LRRC4C: variants seen among roughly 807,000 people sequenced by gnomAD.
LRRC4C encodes leucine-rich repeat-containing protein 4C.
Under a neutral mutation model 33.6 loss-of-function variants are expected in LRRC4C, and 5 were observed. The ratio of observed to expected loss-of-function variants is 0.15; its 90% CI spans 0.08 to 0.31. LRRC4C has a LOEUF of 0.31. Ranked by LOEUF, LRRC4C falls within the 10% of genes least tolerant of loss-of-function variation. The pLI is 1.00. For synonymous variants in LRRC4C, 329 were observed against 302.0 expected, an observed-to-expected ratio of 1.09 and a Z score of -0.93; for missense variants, 560 against 796.7, an observed-to-expected ratio of 0.70 and a Z score of 3.58.
chr11:41,285,215 T>G (rs1949787325), intron 1 of LRRC4C, among the ~76,000 whole-genome samples: 1 of 152,162 alleles, frequency 6.6e-6, no homozygotes, highest in African/African-American at 2.4e-5. Context: ...ATCATTCTAT[T>G]CATCCATCCA....
intron 2 of LRRC4C, among the ~76,000 whole-genome samples, chr11:40,743,836 G>A (rs1345175270): frequency 6.6e-6 from 1 of 151,994 alleles, no homozygotes; most frequent in African/African-American, 2.4e-5. Flanking sequence ...TCACTCCTGT[G>A]CTAGCTTTGC....
intron 3 of LRRC4C, among the ~76,000 whole-genome samples, chr11:40,528,687 C>T (rs1466651611): frequency 1.3e-5 from 2 of 152,124 alleles, no homozygotes. Flanking sequence ...GATATCTGTA[C>T]TCCCAACTTC....
intron 1 of LRRC4C, among the ~76,000 whole-genome samples, chr11:41,181,634 G>A (rs921752301): frequency 6.6e-6 from 1 of 152,146 alleles, no homozygotes; most frequent in Non-Finnish European, 1.5e-5. Flanking sequence ...GAGTATTACA[G>A]CAAATTAGTA....
intron 2 of LRRC4C, among the ~76,000 whole-genome samples, chr11:40,858,692 TAAAAAAAAAAAAAA>T (rs201131448): frequency 1.2e-5 from 1 of 80,162 alleles, no homozygotes; most frequent in Admixed American, 1.2e-4. Flanking sequence ...GACTCCTTCT[TAAAAAAAAAAAAAA>T]AAAAAAAAAA....
chr11:40,979,886 A>G (rs1852384544), intron 1 of LRRC4C, among the ~76,000 whole-genome samples: 1 of 152,216 alleles, frequency 6.6e-6, no homozygotes, highest in African/African-American at 2.4e-5. Flanking sequence ...TCTTATAGAC[A>G]TATTTTATAT....
intron 5 of LRRC4C, among the ~76,000 whole-genome samples, chr11:40,186,539 T>C (rs764342341): frequency 2.0e-5 from 3 of 152,194 alleles, no homozygotes; most frequent in Admixed American, 6.5e-5. Flanking sequence ...GCTGGAGGGC[T>C]TAGAAACTGG....
intron 1 of LRRC4C, among the ~76,000 whole-genome samples, chr11:41,397,023 T>G (rs1953845226): frequency 6.6e-6 from 1 of 152,004 alleles, no homozygotes. Flanking sequence ...AATACGATTT[T>G]TTAAAGAACA....
intron 2 of LRRC4C, among the ~76,000 whole-genome samples, chr11:40,831,853 C>T (rs932805749): frequency 1.3e-5 from 2 of 152,086 alleles, no homozygotes; most frequent in Non-Finnish European, 2.9e-5. Flanking sequence ...TCAGTTACCT[C>T]CCACTGGGTC....
chr11:40,916,701 AATAAATAAAT>A (rs1005509346), intron 2 of LRRC4C, among the ~76,000 whole-genome samples: 6 of 151,600 alleles, frequency 4.0e-5, no homozygotes, highest in Non-Finnish European at 8.8e-5. Flanking sequence ...GTATAATAAA[AATAAATAAAT>A]AAAAATAAAA....
chr11:40,646,014 C>A (rs2136116705), intron 3 of LRRC4C, among the ~76,000 whole-genome samples: 1 of 144,566 alleles, frequency 6.9e-6, no homozygotes, highest in Non-Finnish European at 1.5e-5. Context: ...TAATTACTAC[C>A]TTTATGATTC....
chr11:40,390,734 A>G (rs1949301633), intron 3 of LRRC4C, among the ~76,000 whole-genome samples: 1 of 151,898 alleles, frequency 6.6e-6, no homozygotes, highest in Non-Finnish European at 1.5e-5. Flanking sequence ...GACTCATTTG[A>G]CTCTTTGAGT....
chr11:40,850,705 T>A (rs955821742), intron 2 of LRRC4C, among the ~76,000 whole-genome samples: 1 of 152,320 alleles, frequency 6.6e-6, no homozygotes, highest in Non-Finnish European at 1.5e-5. Context: ...CAGGAAGGTT[T>A]AAGTCTGCTG....
In LRRC4C at chr11:41,448,122, G is replaced by GGTTTTTTTTTTTTTTTTT. The variant is rs1554934483; in HGVS notation, c.-496+11308_-496+11309insAAAAAAAAAAAAAAAAAC. On this transcript the variant is annotated intron_variant, in intron 1 of 6. Coordinates refer to ENST00000528697, the MANE Select transcript of LRRC4C (RefSeq NM_001258419.2). ...ACAAACGAGGCTGCTGCACACGTCTGTTTTTTTTTTTTTTTTTTTTGGAGC... is the reference window on the plus strand; with the variant it reads ...ACAAACGAGGCTGCTGCACACGTCTGGTTTTTTTTTTTTTTTTTTTTTTTTTTTTTTTTTTTTTGGAGC... Among the ~76,000 whole-genome samples the GGTTTTTTTTTTTTTTTTT allele has an allele frequency of 1.2e-3, 55 of 46,938 alleles. 3 individuals are homozygous for GGTTTTTTTTTTTTTTTTT. Among genetic ancestry groups the GGTTTTTTTTTTTTTTTTT allele is most frequent in the Non-Finnish European group, 1.8e-3 (42 of 22,910 alleles). 30.8% of individuals were successfully genotyped at this position (46,938 alleles called of 152,430 possible).
At position 40,438,926 on chromosome 11, in the gene LRRC4C, CTT is replaced by C. The variant is rs869144067; in HGVS notation, c.-269-119207_-269-119206del. On this transcript the variant is annotated intron_variant, in intron 3 of 6. Transcript: ENST00000528697. Reference sequence around the variant, plus strand: ...TACAGGGTTAATTTATGAATTGCTACTTTTTTTTTTTTTTTTTTTTTTGAGAC... The same window carrying C: ...TACAGGGTTAATTTATGAATTGCTACTTTTTTTTTTTTTTTTTTTTGAGAC... Among the ~76,000 whole-genome samples, 437 of 106,884 alleles carry C rather than the reference CTT, an allele frequency of 4.1e-3. 4 individuals are homozygous for C. The East Asian group carries it at 0.059, about 14-fold the overall frequency. 70.1% of individuals were successfully genotyped at this position (106,884 alleles called of 152,430 possible). A position where few individuals can be genotyped will look rare whatever the true frequency, so the allele number is the denominator to read the frequency against.
chr11:41,237,757 T>A lies in LRRC4C; in HGVS notation c.-496+221674A>T, dbSNP rs1214594939. Among the ~76,000 whole-genome samples the A allele has an allele frequency of 2.0e-5, 3 of 152,266 alleles. No homozygotes were observed. The East Asian group carries it at 5.8e-4, about 29-fold the overall frequency. ...TGACTTTTTCCCTTTAATTTCTAGA[T>A]CCCGGTAGAGTGTCAACAGAGCTTT... On this transcript the variant is annotated intron_variant, in intron 1 of 6. Transcript: ENST00000528697.
chr11:41,048,358 T>C (rs1244710942), intron 1 of LRRC4C, among the ~76,000 whole-genome samples: 1 of 143,842 alleles, frequency 7.0e-6, no homozygotes, highest in East Asian at 2.2e-4. Flanking sequence ...TCCGACTCCC[T>C]GATTCAAGCA....
intron 1 of LRRC4C, among the ~76,000 whole-genome samples, chr11:41,389,819 T>A (rs369008829): frequency 1.3e-5 from 2 of 151,804 alleles, no homozygotes; most frequent in South Asian, 4.1e-4. Flanking sequence ...CTTCTACAAT[T>A]ACCATTGAAC....
At chr11:41,254,166 C>T (rs1173976757) in intron 1 of LRRC4C, among the ~76,000 whole-genome samples, 2 of 152,000 alleles carry the variant, frequency 1.3e-5, no homozygotes, top group East Asian at 3.9e-4. Context: ...TTGACAGCAA[C>T]TTCATGGATT....
At chr11:40,505,482 T>C (rs553627799) in intron 3 of LRRC4C, among the ~76,000 whole-genome samples, 1 of 152,316 alleles carries the variant, frequency 6.6e-6, no homozygotes, top group African/African-American at 2.4e-5. Flanking sequence ...TTATGGTCCA[T>C]TGCAAACACT....
Sources: gnomAD v4.1 joint callset for allele counts (sites outside exome capture counted in the v4.1 genomes callset) on GRCh38, gnomAD v4.1.1 for gene constraint, MANE v1.5 for transcripts, NCBI Gene and HGNC (gene_info 2026-07-23, HGNC 2026-07-21) for gene names.